Variants in GADD45GIP1 observed in about 807,000 individuals in gnomAD.
The protein encoded by GADD45GIP1 is large ribosomal subunit protein mL64.
In GADD45GIP1, 17 loss-of-function variants were observed where a neutral mutation model predicts 22.1. The ratio of observed to expected loss-of-function variants is 0.77; its 90% CI spans 0.53 to 1.15. The LOEUF is 1.15. Ranked by LOEUF, GADD45GIP1 falls within the 50% of genes most tolerant of loss-of-function variation. The pLI is 0.00. For missense variants in GADD45GIP1, 294 were observed against 314.0 expected (o/e 0.94, Z 0.48); for synonymous variants, 135 against 138.4 (o/e 0.98, Z 0.17).
Position 12,954,391 on chromosome 19 carries a change from C to T in GADD45GIP1, c.486G>A (p.Glu162=), listed in dbSNP as rs765828533. 3 of 1,614,210 alleles carry T rather than the reference C, an allele frequency of 1.9e-6. No homozygotes were observed. Among genetic ancestry groups the T allele is most frequent in the South Asian group, 2.2e-5 (2 of 91,092 alleles). Residue 162 remains glutamate (E), a synonymous_variant, in exon 2 of 2, where the codon GAG becomes GAA. Transcript: ENST00000316939. ...RRARLQAEAQ[E]LLGYQVDPRS... is the part of the protein sequence containing the mutation. ...TTGGGTCCACCTGGTAGCCCAGGAG[C>T]TCCTGGGCCTCAGCCTGCAGTCGGG...
At chr19:12,955,904 T>A (rs771695696) in intron 1 of GADD45GIP1, among the ~76,000 whole-genome samples, 1 of 152,174 alleles carries the variant, frequency 6.6e-6, no homozygotes, top group Non-Finnish European at 1.5e-5. Flanking sequence ...CCTTCAGACC[T>A]GCCTCTGTAT....
chr19:12,955,586 G>A (rs868835092), intron 1 of GADD45GIP1, among the ~76,000 whole-genome samples: 3 of 150,796 alleles, frequency 2.0e-5, no homozygotes, highest in Admixed American at 6.6e-5. Context: ...CTGGCCCGAC[G>A]CGGTGGCTCA....
Position 12,956,931 on chromosome 19 carries a change from C to G in GADD45GIP1, c.282G>C (p.Pro94=), listed in dbSNP as rs747537886. Residue 94 remains proline, a synonymous_variant, in exon 1 of 2, where the codon CCG becomes CCC. Transcript: ENST00000316939. The part of the protein sequence containing the change: ...ELEAEEREWY[P]SLATMQESLR... Reference sequence around the variant, plus strand: ...GCGACTCCTGCATGGTCGCCAGGCTCGGGTACCATTCGCGTTCTTCGGCCT... The same window carrying G: ...GCGACTCCTGCATGGTCGCCAGGCTGGGGTACCATTCGCGTTCTTCGGCCT... 1 of 1,599,720 alleles carries G rather than the reference C, an allele frequency of 6.3e-7. No individual in the cohort carries two copies. Among genetic ancestry groups the G allele is most frequent in the Non-Finnish European group, 8.5e-7 (1 of 1,179,802 alleles).
intron 1 of GADD45GIP1, 105 bp downstream of exon 1, chr19:12,956,758 A>G (rs1252788194): frequency 4.3e-6 from 4 of 925,552 alleles, no homozygotes; most frequent in Non-Finnish European, 6.7e-6. Flanking sequence ...TAAATCTACA[A>G]CATGCAGATG....
At position 12,954,197 on chromosome 19, in the gene GADD45GIP1, G is replaced by C; in HGVS notation, c.*11C>G. On this transcript the variant is annotated 3_prime_UTR_variant, in exon 2 of 2. Transcript: ENST00000316939. ...GCCAGGTAGCAGGCTTTATTGGGAA[G>C]GGACAAAGCCTCAGGAGCTGGGTGC... is the stretch of plus-strand genomic sequence containing the variant. 1 of 1,606,984 alleles carries C rather than the reference G, an allele frequency of 6.2e-7. No homozygotes were observed.
At chr19:12,956,842 C>T (rs1041582498) in intron 1 of GADD45GIP1, 21 bp downstream of exon 1, 5 of 1,587,528 alleles carry the variant, frequency 3.1e-6, no homozygotes, top group Non-Finnish European at 4.3e-6. Context: ...GGCAGCCCCG[C>T]GTCTGCCTGC....
chr19:12,956,781 C>T, intron 1 of GADD45GIP1, 82 bp downstream of exon 1: 1 of 1,299,652 alleles, frequency 7.7e-7, no homozygotes, highest in Non-Finnish European at 1.1e-6. Context: ...GCGACGTGAC[C>T]CCGAAGGGGT....
In GADD45GIP1 at chr19:12,954,517, G is replaced by T; in HGVS notation, c.360C>A (p.His120Gln). Residue 120 changes from histidine (H) to glutamine (Q), a missense_variant, in exon 2 of 2, where the codon CAC (histidine) becomes CAA (glutamine). Coordinates refer to ENST00000316939, the MANE Select transcript of GADD45GIP1 (RefSeq NM_052850.4). ...GCATCTTGGCCATGCACTCTGCGATGTGCTGCTCCCTGCAGGGGAGGGAGA... is the reference window on the plus strand; with the variant it reads ...GCATCTTGGCCATGCACTCTGCGATTTGCTGCTCCCTGCAGGGGAGGGAGA... Reference protein sequence around the residue: ...EEQKRREREQHIAECMAKMPQ... With the variant: ...EEQKRREREQQIAECMAKMPQ... 6.2e-7 allele frequency: 1 copy of T among 1,611,348 alleles called. No individual in the cohort carries two copies. The highest frequency in any genetic ancestry group is 1.7e-5 in the Admixed American group (1 of 59,872).
chr19:12,954,407 T>G lies in GADD45GIP1; in HGVS notation c.470A>C (p.Gln157Pro), dbSNP rs1190006656. The G allele has an allele frequency of 1.9e-6, 3 of 1,614,106 alleles. No homozygotes were observed. The change falls in exon 2 of 2, where the codon CAG (glutamine) becomes CCG (proline). Residue 157 changes from glutamine to proline, a missense_variant. By Grantham distance (76) the Gln-to-Pro change is moderately conservative (BLOSUM62 -1). Coordinates refer to ENST00000316939, the MANE Select transcript of GADD45GIP1 (RefSeq NM_052850.4). ...QADKERRARL[Q>P]AEAQELLGYQ... is the part of the protein sequence containing the mutation. ...GCCCAGGAGCTCCTGGGCCTCAGCC[T>G]GCAGTCGGGCCCTCCTCTCCTTGTC...
In GADD45GIP1 at chr19:12,957,103, G is replaced by A; in HGVS notation, c.110C>T (p.Pro37Leu). 2.1e-6 allele frequency: 3 copies of A among 1,455,630 alleles called. No homozygotes were observed. The highest frequency in any genetic ancestry group is 1.5e-5 in the African/African-American group (1 of 67,454). 90.2% of individuals were successfully genotyped at this position (1,455,630 alleles called of 1,614,324 possible). A position where few individuals can be genotyped will look rare whatever the true frequency, so the allele number is the denominator to read the frequency against. Residue 37 changes from proline to leucine, a missense_variant, in exon 1 of 2, where the codon CCC (proline) becomes CTC (leucine). Transcript: ENST00000316939. ...ARPPPRRRPGPRWPDPEDLLT... is the reference protein window; with the variant it reads ...ARPPPRRRPGLRWPDPEDLLT... ...GAGGTCCTCGGGGTCTGGCCACCGG[G>A]GTCCCGGCCTGCGGCGCGGGGGCGG...
At chr19:12,956,033 G>C (rs765971185) in intron 1 of GADD45GIP1, among the ~76,000 whole-genome samples, 1 of 152,132 alleles carries the variant, frequency 6.6e-6, no homozygotes, top group East Asian at 1.9e-4. Flanking sequence ...ATTTGCCCCA[G>C]CTGTTCCCTT....
In GADD45GIP1 at chr19:12,954,093, A is replaced by G. The variant is rs1971890698; in HGVS notation, c.*115T>C. Reference sequence around the variant, plus strand: ...AGTACAGCCAAGTGGGGGATTCCCCAGCTCTTAAGTATTGGGGGAGGAACC... The same window carrying G: ...AGTACAGCCAAGTGGGGGATTCCCCGGCTCTTAAGTATTGGGGGAGGAACC... On this transcript the variant is annotated 3_prime_UTR_variant, in exon 2 of 2. Coordinates refer to ENST00000316939, the MANE Select transcript of GADD45GIP1 (RefSeq NM_052850.4). 1 of 898,906 alleles carries G rather than the reference A, an allele frequency of 1.1e-6. No homozygotes were observed. Among genetic ancestry groups the G allele is most frequent in the East Asian group, 2.4e-5 (1 of 41,292 alleles). 55.7% of individuals were successfully genotyped at this position (898,906 alleles called of 1,614,324 possible).
In GADD45GIP1 at chr19:12,956,880, C is replaced by T; in HGVS notation, c.333G>A (p.Glu111=). 6.3e-7 allele frequency: 1 copy of T among 1,598,588 alleles called. No individual in the cohort carries two copies. The highest frequency in any genetic ancestry group is 2.2e-5 in the East Asian group (1 of 44,686). Residue 111 remains glutamate, a synonymous_variant, in exon 1 of 2, where the codon GAG becomes GAA. Transcript: ENST00000316939. ...ESLRVKQLAE[E]QKRREREQHI... is the part of the protein sequence containing the mutation. ...GCACGCACCTCTCCCGACGCTTCTG[C>T]TCTTCGGCCAGCTGCTTCACCCGCA...
chr19:12,954,571 G>T, intron 1 of GADD45GIP1, 45 bp from the exon 2 acceptor site: 1 of 1,531,988 alleles, frequency 6.5e-7, no homozygotes, highest in Non-Finnish European at 8.9e-7. Flanking sequence ...ACTCAGCCAG[G>T]GCAGAGCCCA....
At position 12,957,008 on chromosome 19, in the gene GADD45GIP1, C is replaced by A. The variant is rs747814159; in HGVS notation, c.205G>T (p.Gly69Trp). Residue 69 changes from glycine (G) to tryptophan (W), a missense_variant, in exon 1 of 2, where the codon GGG becomes TGG. Coordinates refer to ENST00000316939, the MANE Select transcript of GADD45GIP1 (RefSeq NM_052850.4). The part of the protein sequence containing the change: ...KQFARYGAAS[G>W]VVPGSLWPSP... Reference sequence around the variant, plus strand: ...GGCCATAACGAACCGGGGACCACCCCGGAGGCGGCGCCGTAACGCGCGAAC... The same window carrying A: ...GGCCATAACGAACCGGGGACCACCCAGGAGGCGGCGCCGTAACGCGCGAAC... 3.8e-6 allele frequency: 6 copies of A among 1,597,978 alleles called. No individual in the cohort carries two copies. The South Asian group carries it at 6.6e-5, about 18-fold the overall frequency.
At position 12,956,897 on chromosome 19, in the gene GADD45GIP1, TC is replaced by T; in HGVS notation, c.315del (p.Lys106SerfsTer26). 6.3e-7 allele frequency: 1 copy of T among 1,599,654 alleles called. No homozygotes were observed. The highest frequency in any genetic ancestry group is 8.5e-7 in the Non-Finnish European group (1 of 1,179,738). On this transcript the variant is annotated frameshift_variant, in exon 1 of 2. Transcript: ENST00000316939. LOFTEE classifies it high-confidence loss of function. The part of the protein sequence containing the change: ...SLATMQESLR[V>X]KQLAEEQKRR... Reference sequence around the variant, plus strand: ...CGCTTCTGCTCTTCGGCCAGCTGCTTCACCCGCAGCGACTCCTGCATGGTCG... The same window carrying T: ...CGCTTCTGCTCTTCGGCCAGCTGCTTACCCGCAGCGACTCCTGCATGGTCG...
chr19:12,957,026 G>A lies in GADD45GIP1; in HGVS notation c.187C>T (p.Arg63Cys), dbSNP rs759490188. The part of the protein sequence containing the change: ...GPRYAAKQFA[R>C]YGAASGVVPG... ...ACCACCCCGGAGGCGGCGCCGTAAC[G>A]CGCGAACTGCTTAGCCGCGTAGCGC... The change falls in exon 1 of 2, where the codon CGT becomes TGT. Residue 63 changes from arginine (R) to cysteine (C), a missense_variant. Coordinates refer to ENST00000316939, the MANE Select transcript of GADD45GIP1 (RefSeq NM_052850.4). 6.3e-7 allele frequency: 1 copy of A among 1,596,256 alleles called. No homozygotes were observed.
chr19:12,957,099 C>G lies in GADD45GIP1; in HGVS notation c.114G>C (p.Arg38=). 1 of 1,476,982 alleles carries G rather than the reference C, an allele frequency of 6.8e-7. No individual in the cohort carries two copies. Among genetic ancestry groups the G allele is most frequent in the Non-Finnish European group, 8.9e-7 (1 of 1,125,662 alleles). The allele number at this position is 1,476,982 out of a possible 1,614,324, so 91.5% of individuals were successfully genotyped here. ...TCAGGAGGTCCTCGGGGTCTGGCCA[C>G]CGGGGTCCCGGCCTGCGGCGCGGGG... The part of the protein sequence containing the change: ...RPPPRRRPGP[R]WPDPEDLLTP... Residue 38 remains arginine, a synonymous_variant, in exon 1 of 2, where the codon CGG becomes CGC. Coordinates refer to ENST00000316939, the MANE Select transcript of GADD45GIP1 (RefSeq NM_052850.4).
Position 12,953,477 on chromosome 19 carries a change from T to C in GADD45GIP1, c.*731A>G, listed in dbSNP as rs1971871953. ...CCTCCATTGGAGTGGCCCAAATCTT[T>C]CCATCTAGGGCAAGTCCTGAAAGGC... On this transcript the variant is annotated 3_prime_UTR_variant, in exon 2 of 2. Transcript: ENST00000316939. The C allele has an allele frequency of 6.5e-6, 1 of 154,046 alleles. No homozygotes were observed. The highest frequency in any genetic ancestry group is 6.5e-5 in the Admixed American group (1 of 15,302). The allele number at this position is 154,046 out of a possible 1,614,324, so 9.5% of individuals were successfully genotyped here.
Sources: allele counts gnomAD v4.1 joint callset (sites outside exome capture counted in the v4.1 genomes callset), GRCh38; gene constraint gnomAD v4.1.1; transcripts MANE v1.5; gene names NCBI Gene and HGNC (gene_info 2026-07-23, HGNC 2026-07-21).